PTPRD: variants seen among roughly 807,000 people sequenced by gnomAD.
PTPRD encodes the protein receptor-type tyrosine-protein phosphatase delta.
In PTPRD, 34 loss-of-function variants were observed where a neutral mutation model predicts 214.5. The ratio of observed to expected loss-of-function variants is 0.16; its 90% CI spans 0.12 to 0.21. The LOEUF (loss-of-function observed/expected upper bound fraction) is 0.21, where lower values mean the gene tolerates loss of function less well. PTPRD is among the 10% of genes least tolerant of loss of function. The probability of loss-of-function intolerance (pLI) is 1.00; values close to 1 mark genes in which losing one functional copy is unlikely to be tolerated. For synonymous variants in PTPRD, 1,128 were observed against 845.7 expected, an observed-to-expected ratio of 1.33 and a Z score of -5.79; for missense variants, 2,545 against 2,398.7, an observed-to-expected ratio of 1.06 and a Z score of -1.27.
At chr9:9,019,897 T>C (rs1196747381) in intron 10 of PTPRD, among the ~76,000 whole-genome samples, 9 of 152,176 alleles carry the variant, frequency 5.9e-5, no homozygotes, top group Non-Finnish European at 1.0e-4. Flanking sequence ...TTTTTCTTTT[T>C]GGAAGAGTGG....
intron 9 of PTPRD, among the ~76,000 whole-genome samples, chr9:9,333,527 A>ATATATATAGATATATATATATAT (rs1569567453): frequency 8.1e-6 from 1 of 124,110 alleles, no homozygotes; most frequent in African/African-American, 4.8e-5. Context: ...TATATATATA[A>ATATATATAGATATATATATATAT]AGTCTGCAAT....
chr9:9,801,010 A>G (rs2099036160), intron 5 of PTPRD, among the ~76,000 whole-genome samples: 1 of 152,180 alleles, frequency 6.6e-6, no homozygotes, highest in African/African-American at 2.4e-5. Flanking sequence ...TTTAAATAAG[A>G]AAGATATTAT....
At chr9:9,991,004 G>C (rs1014123641) in intron 4 of PTPRD, among the ~76,000 whole-genome samples, 1 of 149,252 alleles carries the variant, frequency 6.7e-6, no homozygotes, top group African/African-American at 2.5e-5. Context: ...GCGTGATCTC[G>C]GCTCACAACA....
intron 5 of PTPRD, among the ~76,000 whole-genome samples, chr9:9,907,077 T>C (rs985402076): frequency 1.4e-4 from 21 of 151,894 alleles, no homozygotes; most frequent in Admixed American, 1.3e-3. Context: ...AATCCTTATA[T>C]GGTCAGTTCC....
intron 14 of PTPRD, among the ~76,000 whole-genome samples, chr9:8,557,227 C>G (rs550477640): frequency 4.6e-5 from 7 of 151,836 alleles, no homozygotes; most frequent in African/African-American, 1.7e-4. Context: ...TTGAAGATTA[C>G]TCAGTGGTCT....
chr9:9,315,004 C>G (rs891531264), intron 9 of PTPRD, among the ~76,000 whole-genome samples: 1 of 151,858 alleles, frequency 6.6e-6, no homozygotes, highest in Non-Finnish European at 1.5e-5. Flanking sequence ...ATCTCATCAC[C>G]AAATATTTAT....
chr9:10,247,921 A>G (rs2092346427), intron 3 of PTPRD, among the ~76,000 whole-genome samples: 1 of 152,036 alleles, frequency 6.6e-6, no homozygotes, highest in African/African-American at 2.4e-5. Flanking sequence ...TATGGGAGGG[A>G]CCCAGTGATA....
At chr9:8,623,642 G>C (rs2095891946) in intron 14 of PTPRD, among the ~76,000 whole-genome samples, 1 of 151,832 alleles carries the variant, frequency 6.6e-6, no homozygotes, top group African/African-American at 2.4e-5. Flanking sequence ...TGAGTGCCTA[G>C]AACTTTGCTA....
At chr9:8,584,879 A>T (rs1314127056) in intron 14 of PTPRD, among the ~76,000 whole-genome samples, 1 of 152,206 alleles carries the variant, frequency 6.6e-6, no homozygotes, top group Non-Finnish European at 1.5e-5. Context: ...CCTTCTTCGC[A>T]TGGCAGTGTC....
chr9:9,270,235 G>C (rs551824286), intron 9 of PTPRD, among the ~76,000 whole-genome samples: 52 of 151,346 alleles, frequency 3.4e-4, no homozygotes, highest in African/African-American at 1.3e-3. Context: ...CCTTTATAAA[G>C]CTAGGGGAAA....
At chr9:8,786,617 G>A (rs1302009242) in intron 11 of PTPRD, among the ~76,000 whole-genome samples, 2 of 151,114 alleles carry the variant, frequency 1.3e-5, no homozygotes, top group Non-Finnish European at 1.5e-5. Flanking sequence ...GTTTCACCAC[G>A]TTGGCGAGGC....
intron 3 of PTPRD, among the ~76,000 whole-genome samples, chr9:10,320,957 G>A (rs2096542286): frequency 6.6e-6 from 1 of 151,794 alleles, no homozygotes; most frequent in Non-Finnish European, 1.5e-5. Flanking sequence ...CGAACTCCTG[G>A]GCTCAAGCAA....
At chr9:10,420,899 T>A (rs922041690) in intron 2 of PTPRD, among the ~76,000 whole-genome samples, 1 of 151,768 alleles carries the variant, frequency 6.6e-6, no homozygotes, top group African/African-American at 2.4e-5. Flanking sequence ...GACTCCCACA[T>A]TTTGCTACTG....
At chr9:9,612,220 A>T (rs963480986) in intron 7 of PTPRD, among the ~76,000 whole-genome samples, 8 of 151,772 alleles carry the variant, frequency 5.3e-5, no homozygotes, top group Non-Finnish European at 1.0e-4. Flanking sequence ...TAGGGGGAAT[A>T]AAAAAAACAG....
intron 8 of PTPRD, among the ~76,000 whole-genome samples, chr9:9,443,266 C>CA (rs1478800641): frequency 6.7e-6 from 1 of 148,298 alleles, no homozygotes; most frequent in East Asian, 1.9e-4. Context: ...TAAATAACAG[C>CA]ATGGACAGGA....
At chr9:8,768,282 T>G (rs1226490531) in intron 11 of PTPRD, among the ~76,000 whole-genome samples, 1 of 152,106 alleles carries the variant, frequency 6.6e-6, no homozygotes, top group Non-Finnish European at 1.5e-5. Flanking sequence ...TACGTGCCTA[T>G]AGTCCTGCCT....
chr9:8,317,993 T>C (rs777937038), intron 45 of PTPRD, 51 bp from the exon 46 acceptor site: 2 of 1,471,914 alleles, frequency 1.4e-6, no homozygotes, highest in East Asian at 2.3e-5. Context: ...CATGAGCATA[T>C]TTTAATAGAA....
chr9:9,342,818 G>A (rs780556775), intron 9 of PTPRD, among the ~76,000 whole-genome samples: 20 of 151,670 alleles, frequency 1.3e-4, no homozygotes, highest in South Asian at 2.1e-4. Context: ...CCATCAACCC[G>A]TCATCTACAT....
At chr9:9,327,801 A>T in intron 9 of PTPRD, among the ~76,000 whole-genome samples, 1 of 152,066 alleles carries the variant, frequency 6.6e-6, no homozygotes, top group Non-Finnish European at 1.5e-5. Context: ...GATAGCATGT[A>T]CATCACGGGT....
Sources: allele counts gnomAD v4.1 joint callset (sites outside exome capture counted in the v4.1 genomes callset), GRCh38; gene constraint gnomAD v4.1.1; transcripts MANE v1.5; gene names NCBI Gene and HGNC (gene_info 2026-07-23, HGNC 2026-07-21).